Variants in WWOX observed in about 807,000 individuals in gnomAD.
WWOX encodes WW domain containing oxidoreductase.
Under a neutral mutation model 46.2 loss-of-function variants are expected in WWOX, and 69 were observed. The observed-to-expected ratio is 1.49, with a 90% CI of 1.23 to 1.82. WWOX has a LOEUF of 1.82. WWOX is among the 40% of genes most tolerant of loss of function. The pLI, the probability that WWOX is intolerant of heterozygous loss-of-function variation, is 0.00. For synonymous variants in WWOX, 359 were observed against 202.6 expected (o/e 1.77, Z -6.56); for missense variants, 919 against 542.6 (o/e 1.69, Z -6.89).
chr16:78,243,976 A>C (rs563123220), intron 5 of WWOX, among the ~76,000 whole-genome samples: 1 of 152,340 alleles, frequency 6.6e-6, no homozygotes, highest in African/African-American at 2.4e-5. Flanking sequence ...TCCTTGACCC[A>C]ATCTCCACTC....
At chr16:78,913,605 C>A (rs946840992) in intron 8 of WWOX, among the ~76,000 whole-genome samples, 1 of 151,832 alleles carries the variant, frequency 6.6e-6, no homozygotes, top group South Asian at 2.1e-4. Flanking sequence ...AAATCTTTTA[C>A]TGTATCATAG....
At position 78,571,822 on chromosome 16, in the gene WWOX, C is replaced by A. The variant is rs146243093; in HGVS notation, c.1056+139070C>A. Reference sequence around the variant, plus strand: ...GACAGGTTGTAGTGAGCTGAGATGTCGCCACTATACTCTAGCCTGGGCAAC... The same window carrying A: ...GACAGGTTGTAGTGAGCTGAGATGTAGCCACTATACTCTAGCCTGGGCAAC... On this transcript the variant is annotated intron_variant, in intron 8 of 8. Transcript: ENST00000566780. 1.4e-3 allele frequency among the ~76,000 whole-genome samples: 216 copies of A among 152,128 alleles called. 1 individual carries two copies. Among genetic ancestry groups the A allele is most frequent in the African/African-American group, 5.0e-3 (207 of 41,500 alleles).
intron 8 of WWOX, among the ~76,000 whole-genome samples, chr16:78,892,670 A>G (rs952190842): frequency 6.6e-6 from 1 of 152,234 alleles, no homozygotes; most frequent in Admixed American, 6.5e-5. Context: ...TTAGGCCAGC[A>G]TTGGGCTAGG....
intron 5 of WWOX, among the ~76,000 whole-genome samples, chr16:78,376,502 C>A (rs72796051): frequency 0.051 from 7,736 of 152,134 alleles, 272 homozygotes; most frequent in East Asian, 0.12. Context: ...ATACAATGAA[C>A]CAGTTTTATT....
intron 5 of WWOX, among the ~76,000 whole-genome samples, chr16:78,363,644 C>T (rs1165907339): frequency 6.6e-6 from 1 of 152,120 alleles, no homozygotes; most frequent in Admixed American, 6.5e-5. Context: ...AAGATATTCC[C>T]CTTTCTTCTA....
intron 8 of WWOX, among the ~76,000 whole-genome samples, chr16:78,575,072 T>A (rs577884339): frequency 7.5e-4 from 22 of 29,520 alleles, no homozygotes; most frequent in South Asian, 5.0e-3. Flanking sequence ...TATATATATA[T>A]ATATATATAT....
intron 8 of WWOX, among the ~76,000 whole-genome samples, chr16:78,465,621 G>A (rs554216339): frequency 1.3e-5 from 2 of 152,338 alleles, no homozygotes; most frequent in East Asian, 1.9e-4. Context: ...TTTCAGGAAT[G>A]TGTTCATATT....
intron 8 of WWOX, among the ~76,000 whole-genome samples, chr16:78,793,627 A>C (rs1301331659): frequency 6.6e-6 from 1 of 152,244 alleles, no homozygotes; most frequent in Non-Finnish European, 1.5e-5. Context: ...CAATGTGCCT[A>C]CATAGCACAC....
intron 8 of WWOX, among the ~76,000 whole-genome samples, chr16:78,643,770 T>TA (rs1229194093): frequency 6.6e-6 from 1 of 151,314 alleles, no homozygotes; most frequent in Non-Finnish European, 1.5e-5. Flanking sequence ...AGTTTATTCA[T>TA]ATCACTCTTT....
rs569769069 is a variant in WWOX, at chr16:78,337,877, G to A, written c.517-48983G>A. On this transcript the variant is annotated intron_variant, in intron 5 of 8. Transcript: ENST00000566780. ...GCCGTGTGACCTCAGTGGTAGAGCT[G>A]ATGTAGAAGCGCCCTCTCTGTTCCT... Among the ~76,000 whole-genome samples, 9 of 119,442 alleles carry A rather than the reference G, an allele frequency of 7.5e-5. 2 individuals carry two copies. The highest frequency in any genetic ancestry group is 2.0e-4 in the African/African-American group (7 of 35,238). The allele number at this position is 119,442 out of a possible 152,430, so 78.4% of individuals were successfully genotyped here.
At chr16:78,607,989 T>C (rs2045802877) in intron 8 of WWOX, among the ~76,000 whole-genome samples, 1 of 152,196 alleles carries the variant, frequency 6.6e-6, no homozygotes, top group African/African-American at 2.4e-5. Flanking sequence ...ATTAAATACC[T>C]ACAAAACATA....
chr16:78,563,423 C>T (rs908278427), intron 8 of WWOX, among the ~76,000 whole-genome samples: 1 of 149,054 alleles, frequency 6.7e-6, no homozygotes, highest in Non-Finnish European at 1.5e-5. Context: ...AAAAATTGAA[C>T]AATAACAACG....
chr16:78,771,567 T>G (rs973488974), intron 8 of WWOX, among the ~76,000 whole-genome samples: 2 of 151,880 alleles, frequency 1.3e-5, no homozygotes, highest in South Asian at 2.1e-4. Context: ...AGGTCAGGAG[T>G]TCGAGACCAG....
chr16:78,510,009 C>T (rs1246111544), intron 8 of WWOX, among the ~76,000 whole-genome samples: 3 of 152,034 alleles, frequency 2.0e-5, no homozygotes, highest in Non-Finnish European at 2.9e-5. Flanking sequence ...CTGCAGCGAG[C>T]CATGATTGTG....
intron 8 of WWOX, among the ~76,000 whole-genome samples, chr16:79,173,882 G>A (rs1049866845): frequency 6.6e-6 from 1 of 152,168 alleles, no homozygotes; most frequent in African/African-American, 2.4e-5. Context: ...AGGACGGTGG[G>A]TGATATATTA....
At chr16:79,186,916 C>G (rs952636474) in intron 8 of WWOX, among the ~76,000 whole-genome samples, 2 of 152,198 alleles carry the variant, frequency 1.3e-5, no homozygotes, top group Non-Finnish European at 1.5e-5. Flanking sequence ...AGTGAATGTT[C>G]ACTCCCAAGC....
At chr16:78,501,429 A>C (rs1362166800) in intron 8 of WWOX, among the ~76,000 whole-genome samples, 2 of 152,024 alleles carry the variant, frequency 1.3e-5, no homozygotes, top group African/African-American at 4.8e-5. Flanking sequence ...CAGCCTGCAA[A>C]ATAGCTCACC....
intron 8 of WWOX, among the ~76,000 whole-genome samples, chr16:78,486,771 A>C (rs1241015087): frequency 2.0e-5 from 3 of 152,068 alleles, no homozygotes; most frequent in African/African-American, 7.2e-5. Context: ...ATAAGGGTTT[A>C]CTGTCTTGGC....
At chr16:78,403,045 G>A (rs994483258) in intron 6 of WWOX, among the ~76,000 whole-genome samples, 3 of 152,188 alleles carry the variant, frequency 2.0e-5, no homozygotes, top group East Asian at 1.9e-4. Context: ...GGCAGCACAC[G>A]GCTGTCAGGG....
Sources: allele counts gnomAD v4.1 joint callset (sites outside exome capture counted in the v4.1 genomes callset), GRCh38; gene constraint gnomAD v4.1.1; transcripts MANE v1.5; gene names NCBI Gene and HGNC (gene_info 2026-07-23, HGNC 2026-07-21).